Variants in FAAH2 observed in about 807,000 individuals in gnomAD.
The protein encoded by FAAH2 is fatty acid amide hydrolase 2, also known as fatty-acid amide hydrolase 2.
A neutral mutation model predicts 36.9 loss-of-function variants in FAAH2; 60 were observed. The observed-to-expected ratio is 1.63, with a 90% CI of 1.32 to 2.02. The LOEUF (loss-of-function observed/expected upper bound fraction) is 2.02, where lower values mean the gene tolerates loss of function less well. FAAH2 is among the 30% of genes most tolerant of loss of function. The pLI is 0.00. For synonymous variants in FAAH2, 214 were observed against 143.8 expected (o/e 1.49, Z -3.49); for missense variants, 689 against 397.5 (o/e 1.73, Z -6.23).
chrX:57,478,241 A>G (rs7884776), intron 10 of FAAH2, among the ~76,000 whole-genome samples: 42,020 of 110,704 alleles, frequency 0.38, 6,732 homozygotes, highest in Middle Eastern at 0.62. Context: ...GATGGCCAGT[A>G]ATGGTGAGCA....
At chrX:57,274,315 A>G in the FAAH2 span, among the ~76,000 whole-genome samples, 2 of 112,068 alleles carry the variant, frequency 1.8e-5, no homozygotes, top group Admixed American at 9.4e-5. Context: ...TTCACAGCCG[A>G]ATTCTACCAG....
intron 7 of FAAH2, among the ~76,000 whole-genome samples, chrX:57,415,522 T>TAA (rs2055818593): frequency 8.9e-6 from 1 of 112,190 alleles, no homozygotes; most frequent in African/African-American, 3.2e-5. Flanking sequence ...AGTTTCCATG[T>TAA]ACTTTTGCAG....
At chrX:57,303,478 A>T (rs2052435175) in intron 2 of FAAH2, among the ~76,000 whole-genome samples, 1 of 112,268 alleles carries the variant, frequency 8.9e-6, no homozygotes, top group African/African-American at 3.2e-5. Flanking sequence ...ATTAGAAATG[A>T]TGATAGTGAT....
the FAAH2 span, among the ~76,000 whole-genome samples, chrX:57,251,035 C>CAA: frequency 1.8e-5 from 2 of 111,446 alleles, no homozygotes; most frequent in African/African-American, 3.3e-5. Flanking sequence ...CAAAGCCTGA[C>CAA]AAGGATACTA....
chrX:57,317,656 C>T lies in FAAH2; in HGVS notation c.412+6927C>T, dbSNP rs188747916. Among the ~76,000 whole-genome samples, 475 of 111,587 alleles carry T rather than the reference C, an allele frequency of 4.3e-3. 1 individual carries two copies. The highest frequency in any genetic ancestry group is 0.014 in the African/African-American group (436 of 30,745). On this transcript the variant is annotated intron_variant, in intron 3 of 10. Coordinates refer to ENST00000374900, the MANE Select transcript of FAAH2 (RefSeq NM_174912.4). Reference sequence around the variant, plus strand: ...TTTAGGACTTGAACTCAGCTCTGGACCAAGTAGACCTAATAGACATCTACA... The same window carrying T: ...TTTAGGACTTGAACTCAGCTCTGGATCAAGTAGACCTAATAGACATCTACA...
At chrX:57,255,806 C>T in the FAAH2 span, among the ~76,000 whole-genome samples, 24 of 111,531 alleles carry the variant, frequency 2.2e-4, no homozygotes, top group South Asian at 4.1e-3. Flanking sequence ...ATGACAAACC[C>T]ACAACCGATA....
the FAAH2 span, among the ~76,000 whole-genome samples, chrX:57,127,634 A>G: frequency 2.7e-5 from 3 of 111,909 alleles, no homozygotes; most frequent in Admixed American, 9.5e-5. Flanking sequence ...TTTCAAAATT[A>G]CCAAAAATTA....
the FAAH2 span, among the ~76,000 whole-genome samples, chrX:57,165,296 T>A: frequency 3.6e-5 from 4 of 112,141 alleles, no homozygotes; most frequent in Non-Finnish European, 7.5e-5. Flanking sequence ...AACCCAAATG[T>A]CCAACAATGA....
the FAAH2 span, among the ~76,000 whole-genome samples, chrX:57,222,149 TC>T: frequency 2.7e-5 from 3 of 111,272 alleles, no homozygotes; most frequent in Non-Finnish European, 5.7e-5. Context: ...CCCTCCTGCC[TC>T]CGCAAACTAA....
At chrX:57,168,304 G>T in the FAAH2 span, among the ~76,000 whole-genome samples, 1 of 109,566 alleles carries the variant, frequency 9.1e-6, no homozygotes, top group Non-Finnish European at 1.9e-5. Context: ...ACAAAATTTG[G>T]CCACTAGTGT....
At chrX:57,234,563 G>A in the FAAH2 span, among the ~76,000 whole-genome samples, 1 of 111,580 alleles carries the variant, frequency 9.0e-6, no homozygotes, top group Non-Finnish European at 1.9e-5. Flanking sequence ...TCCTGCAACT[G>A]GACAGTCCCA....
chrX:57,243,576 G>A, the FAAH2 span, among the ~76,000 whole-genome samples: 1 of 112,314 alleles, frequency 8.9e-6, no homozygotes, highest in African/African-American at 3.2e-5. Flanking sequence ...TTGCCATTCT[G>A]CAGCCTCTGC....
At chrX:57,382,661 C>T (rs774584566) in intron 7 of FAAH2, among the ~76,000 whole-genome samples, 1 of 111,526 alleles carries the variant, frequency 9.0e-6, no homozygotes, top group East Asian at 2.8e-4. Context: ...CAATAACAGG[C>T]TCTGAAACTG....
the FAAH2 span, among the ~76,000 whole-genome samples, chrX:57,125,536 T>C: frequency 8.9e-6 from 1 of 111,775 alleles, no homozygotes; most frequent in South Asian, 3.8e-4. Flanking sequence ...TGGTTCCCTC[T>C]AGAATGGGTA....
chrX:57,467,178 G>A (rs748814366), intron 10 of FAAH2, among the ~76,000 whole-genome samples: 10 of 111,412 alleles, frequency 9.0e-5, no homozygotes, highest in East Asian at 2.8e-4. Flanking sequence ...CATGAGCGAC[G>A]CAGAAGATGG....
intron 2 of FAAH2, among the ~76,000 whole-genome samples, chrX:57,308,640 C>T (rs1183041089): frequency 9.0e-6 from 1 of 111,574 alleles, no homozygotes; most frequent in African/African-American, 3.3e-5. Context: ...TAAAGTACTG[C>T]CCAATACCTG....
the FAAH2 span, among the ~76,000 whole-genome samples, chrX:57,161,383 G>A: frequency 1.8e-5 from 2 of 111,283 alleles, no homozygotes; most frequent in East Asian, 2.8e-4. Flanking sequence ...GGTCCGCTTG[G>A]TGCAGAGCTG....
chrX:57,261,595 C>T, the FAAH2 span, among the ~76,000 whole-genome samples: 1 of 98,685 alleles, frequency 1.0e-5, no homozygotes, highest in Non-Finnish European at 2.1e-5. Flanking sequence ...AAGAAAAAAT[C>T]TATATTTATA....
At chrX:57,267,672 C>T in the FAAH2 span, among the ~76,000 whole-genome samples, 1 of 111,837 alleles carries the variant, frequency 8.9e-6, no homozygotes, top group Admixed American at 9.5e-5. Context: ...CCTCAAGGAG[C>T]CAGAGAACAA....
Sources: gnomAD v4.1 joint callset for allele counts (sites outside exome capture counted in the v4.1 genomes callset) on GRCh38, gnomAD v4.1.1 for gene constraint, MANE v1.5 for transcripts, NCBI Gene and HGNC (gene_info 2026-07-23, HGNC 2026-07-21) for gene names.